Variants in TWIST2 observed in about 807,000 individuals in gnomAD.
The protein encoded by TWIST2 is twist family bHLH transcription factor 2, also known as twist-related protein 2.
In TWIST2, 1 loss-of-function variant was observed where a neutral mutation model predicts 11.6. The observed-to-expected ratio is 0.09, with a 90% CI of 0.03 to 0.41. The LOEUF (loss-of-function observed/expected upper bound fraction) is 0.41. Among genes scored for constraint, TWIST2 ranks in the 10% least tolerant of loss-of-function variants. TWIST2 has a pLI of 0.98. For missense variants in TWIST2, 168 were observed against 226.4 expected (o/e 0.74, Z 1.66); for synonymous variants, 87 against 96.6 (o/e 0.90, Z 0.58).
chr2:238,848,855 C>A, intron 1 of TWIST2, 122 bp downstream of exon 1: 1 of 765,920 alleles, frequency 1.3e-6, no homozygotes, highest in Non-Finnish European at 1.8e-6. Flanking sequence ...GGCTTGGATG[C>A]CGTGCGCTTT....
At position 238,886,527 on chromosome 2, in the gene TWIST2, G is replaced by A. The variant is rs368146283; in HGVS notation, c.*36-23315G>A. On this transcript the variant is annotated intron_variant, in intron 1 of 1. Transcript: ENST00000612363. ...TGTACGTGGTATTCCCTCCCCCAAC[G>A]CAAGCTCACCTCACCCCAAATCTAA... Among the ~76,000 whole-genome samples the A allele has an allele frequency of 1.9e-4, 29 of 151,988 alleles. No homozygotes were observed. The East Asian group carries it at 5.4e-3, about 28-fold the overall frequency.
At chr2:238,900,999 T>C (rs1371061435) in intron 1 of TWIST2, among the ~76,000 whole-genome samples, 1 of 151,526 alleles carries the variant, frequency 6.6e-6, no homozygotes, top group East Asian at 1.9e-4. Flanking sequence ...TTTTTTTTTT[T>C]TTCTGAGTCT....
chr2:238,875,921 A>T (rs1330647700), intron 1 of TWIST2, among the ~76,000 whole-genome samples: 1 of 152,206 alleles, frequency 6.6e-6, no homozygotes, highest in Non-Finnish European at 1.5e-5. Flanking sequence ...CGGGTGAGGG[A>T]GCCTGTGGCT....
At chr2:238,848,768 G>A (rs1387762975) in intron 1 of TWIST2, 35 bp downstream of exon 1, 7 of 1,321,858 alleles carry the variant, frequency 5.3e-6, no homozygotes, top group African/African-American at 1.6e-5. Flanking sequence ...GCCCTCCGCT[G>A]CGGGGGGCGG....
intron 1 of TWIST2, among the ~76,000 whole-genome samples, chr2:238,893,914 C>T (rs1206833868): frequency 6.6e-6 from 1 of 152,102 alleles, no homozygotes; most frequent in Non-Finnish European, 1.5e-5. Context: ...GGGTGGTGCT[C>T]TCCAGCCCTC....
chr2:238,853,766 C>T (rs1014801278), intron 1 of TWIST2, among the ~76,000 whole-genome samples: 3 of 152,162 alleles, frequency 2.0e-5, no homozygotes, highest in Admixed American at 2.0e-4. Flanking sequence ...AACTTGATTC[C>T]AGCATGAGGA....
chr2:238,887,815 T>C (rs1262847846), intron 1 of TWIST2, among the ~76,000 whole-genome samples: 1 of 152,222 alleles, frequency 6.6e-6, no homozygotes, highest in Non-Finnish European at 1.5e-5. Flanking sequence ...GCAGAGTCCC[T>C]GCCAACCTGA....
At chr2:238,905,950 CGTGTGTACGTGTGCGT>C (rs1693345092) in intron 1 of TWIST2, among the ~76,000 whole-genome samples, 1 of 119,460 alleles carries the variant, frequency 8.4e-6, no homozygotes, top group Non-Finnish European at 1.9e-5. Context: ...TGTGCGCGCG[CGTGTGTACGTGTGCGT>C]GTGTGTGCGC....
chr2:238,865,486 G>A (rs1455107232), intron 1 of TWIST2, among the ~76,000 whole-genome samples: 1 of 152,198 alleles, frequency 6.6e-6, no homozygotes, highest in Non-Finnish European at 1.5e-5. Flanking sequence ...TGAGGCGCTC[G>A]TGTCAGGATT....
chr2:238,878,494 A>G (rs545967083), intron 1 of TWIST2, among the ~76,000 whole-genome samples: 26 of 152,316 alleles, frequency 1.7e-4, no homozygotes, highest in African/African-American at 6.0e-4. Context: ...GGGAATCTGC[A>G]GACCCATTCG....
chr2:238,869,664 A>C (rs1040186622), intron 1 of TWIST2, among the ~76,000 whole-genome samples: 1 of 152,228 alleles, frequency 6.6e-6, no homozygotes, highest in African/African-American at 2.4e-5. Flanking sequence ...GCTCACACCT[A>C]TGAGGTTGCC....
chr2:238,908,332 CCACA>C (rs1401688686), intron 1 of TWIST2, among the ~76,000 whole-genome samples: 2 of 114,950 alleles, frequency 1.7e-5, no homozygotes, highest in African/African-American at 3.4e-5. Context: ...CACACACATA[CCACA>C]CACACAAACA....
At position 238,866,560 on chromosome 2, in the gene TWIST2, G is replaced by A. The variant is rs1692538067; in HGVS notation, c.*35+17827G>A. Among the ~76,000 whole-genome samples the A allele has an allele frequency of 6.6e-6, 1 of 152,192 alleles. No individual in the cohort carries two copies. The highest frequency in any genetic ancestry group is 2.4e-5 in the African/African-American group (1 of 41,438). ...TAATCCCAGCTACCTGGGAGGCTGT[G>A]GCAGGAGAATTGCTTGAACCCGGGA... On this transcript the variant is annotated intron_variant, in intron 1 of 1. Coordinates refer to ENST00000612363, the MANE Select transcript of TWIST2 (RefSeq NM_001271893.4). The surrounding 1 kb of genome is among the most constrained non-coding windows in gnomAD (Gnocchi z 4.9).
intron 1 of TWIST2, among the ~76,000 whole-genome samples, chr2:238,884,652 T>C (rs1474233316): frequency 1.3e-5 from 2 of 152,160 alleles, no homozygotes; most frequent in Admixed American, 6.5e-5. Flanking sequence ...GCGAGGCCCA[T>C]GGAACATAGC....
chr2:238,865,316 T>C (rs904845273), intron 1 of TWIST2, among the ~76,000 whole-genome samples: 6 of 152,188 alleles, frequency 3.9e-5, no homozygotes, highest in Non-Finnish European at 8.8e-5. Flanking sequence ...CGGGTCATTA[T>C]GTCAGGGCTC....
intron 1 of TWIST2, among the ~76,000 whole-genome samples, chr2:238,892,552 C>G (rs772775676): frequency 4.6e-5 from 7 of 152,146 alleles, no homozygotes; most frequent in Non-Finnish European, 1.0e-4. Context: ...GTGATCTCGG[C>G]TCACTGCAAC....
At chr2:238,859,811 G>A (rs570945417) in intron 1 of TWIST2, among the ~76,000 whole-genome samples, 7 of 152,144 alleles carry the variant, frequency 4.6e-5, no homozygotes, top group East Asian at 1.9e-4. Flanking sequence ...GCACGCACAC[G>A]TGTGTCAAAC....
intron 1 of TWIST2, among the ~76,000 whole-genome samples, chr2:238,894,091 G>A (rs1269741680): frequency 6.6e-6 from 1 of 152,176 alleles, no homozygotes; most frequent in Non-Finnish European, 1.5e-5. Context: ...CCAGAGGCCT[G>A]GGTTCAAATC....
chr2:238,887,465 T>C (rs933454178), intron 1 of TWIST2, among the ~76,000 whole-genome samples: 2 of 152,186 alleles, frequency 1.3e-5, no homozygotes, highest in Admixed American at 6.5e-5. Flanking sequence ...AAATTATCAG[T>C]TTCTCAAATG....
Sources: gnomAD v4.1 joint callset for allele counts (sites outside exome capture counted in the v4.1 genomes callset) on GRCh38, gnomAD v4.1.1 for gene constraint, Gnocchi (gnomAD v3.1) non-coding constraint, MANE v1.5 for transcripts, NCBI Gene and HGNC (gene_info 2026-07-23, HGNC 2026-07-21) for gene names.